Variants in MACROD2 observed in about 807,000 individuals in gnomAD.
MACROD2 encodes the protein ADP-ribose glycohydrolase MACROD2.
Under a neutral mutation model 70.4 loss-of-function variants are expected in MACROD2, and 36 were observed. The ratio of observed to expected loss-of-function variants is 0.51; its 90% CI spans 0.39 to 0.68. The LOEUF (loss-of-function observed/expected upper bound fraction) is 0.68, where lower values mean the gene tolerates loss of function less well. Ranked by LOEUF, MACROD2 falls within the 30% of genes least tolerant of loss-of-function variation. The probability of loss-of-function intolerance (pLI) is 0.00; values close to 1 mark genes in which losing one functional copy is unlikely to be tolerated. For missense variants in MACROD2, 496 were observed against 538.4 expected (o/e 0.92, Z 0.78); for synonymous variants, 172 against 178.8 (o/e 0.96, Z 0.30).
intron 8 of MACROD2, among the ~76,000 whole-genome samples, chr20:15,632,321 T>C (rs1488346560): frequency 8.5e-5 from 13 of 152,178 alleles, no homozygotes; most frequent in Admixed American, 8.5e-4. Context: ...ACTGAGCACA[T>C]ACTCTGTATA....
intron 3 of MACROD2, among the ~76,000 whole-genome samples, chr20:14,407,649 A>G (rs2083706143): frequency 6.6e-6 from 1 of 152,108 alleles, no homozygotes. Flanking sequence ...TAGAAATTTC[A>G]CTGGAAAGGC....
intron 5 of MACROD2, among the ~76,000 whole-genome samples, chr20:14,857,159 C>A (rs2073263797): frequency 6.6e-6 from 1 of 152,192 alleles, no homozygotes; most frequent in Admixed American, 6.5e-5. Flanking sequence ...TCCCTATTCT[C>A]TCTCTGTTCT....
intron 8 of MACROD2, among the ~76,000 whole-genome samples, chr20:15,737,535 AT>A (rs140657435): frequency 0.017 from 2,554 of 152,288 alleles, 69 homozygotes; most frequent in African/African-American, 0.057. Context: ...TCAGCACATG[AT>A]AGTTGATGTG....
intron 8 of MACROD2, among the ~76,000 whole-genome samples, chr20:15,759,571 T>A (rs2423987): frequency 6.6e-6 from 1 of 152,170 alleles, no homozygotes; most frequent in African/African-American, 2.4e-5. Flanking sequence ...TGTACCTATT[T>A]CCCAAATTGC....
intron 5 of MACROD2, among the ~76,000 whole-genome samples, chr20:15,069,120 C>T (rs1476516180): frequency 6.6e-6 from 1 of 152,082 alleles, no homozygotes; most frequent in Admixed American, 6.5e-5. Context: ...GCATTGCATC[C>T]ACGTCTGAGG....
intron 3 of MACROD2, among the ~76,000 whole-genome samples, chr20:14,353,675 C>A (rs977996485): frequency 6.6e-6 from 1 of 152,140 alleles, no homozygotes; most frequent in Non-Finnish European, 1.5e-5. Context: ...TAGCTTTCCT[C>A]TTGGTCATGA....
At chr20:15,328,559 A>G (rs2077957521) in intron 6 of MACROD2, among the ~76,000 whole-genome samples, 1 of 152,172 alleles carries the variant, frequency 6.6e-6, no homozygotes, top group Admixed American at 6.6e-5. Context: ...TATTTAAATC[A>G]GAGTCACCAA....
chr20:14,321,107 G>A (rs1004167392), intron 3 of MACROD2, among the ~76,000 whole-genome samples: 3 of 152,174 alleles, frequency 2.0e-5, no homozygotes, highest in African/African-American at 7.2e-5. Context: ...GCTCACGCTT[G>A]TAATCCCAGC....
At chr20:14,144,517 G>A (rs1028353165) in intron 3 of MACROD2, among the ~76,000 whole-genome samples, 2 of 152,104 alleles carry the variant, frequency 1.3e-5, no homozygotes, top group Non-Finnish European at 2.9e-5. Flanking sequence ...GCATGTATTT[G>A]CCTGGTCCAG....
intron 5 of MACROD2, among the ~76,000 whole-genome samples, chr20:15,083,711 A>AT (rs2075722961): frequency 6.6e-6 from 1 of 152,042 alleles, no homozygotes; most frequent in Non-Finnish European, 1.5e-5. Flanking sequence ...ATAAAGGCAT[A>AT]TGTGCCTTTA....
chr20:15,581,811 G>A (rs778952346), intron 8 of MACROD2, among the ~76,000 whole-genome samples: 2 of 152,092 alleles, frequency 1.3e-5, no homozygotes, highest in Non-Finnish European at 2.9e-5. Flanking sequence ...TGTGAGTATT[G>A]GAAAAACAGC....
chr20:15,649,207 C>CTTCTTTCTTTCTTTCT (rs146662837), intron 8 of MACROD2, among the ~76,000 whole-genome samples: 208 of 137,766 alleles, frequency 1.5e-3, no homozygotes, highest in African/African-American at 5.4e-3. Flanking sequence ...TCTTTCTTTC[C>CTTCTTTCTTTCTTTCT]TTCTTTCTTT....
At chr20:14,026,685 G>C (rs776345961) in intron 2 of MACROD2, among the ~76,000 whole-genome samples, 3 of 152,150 alleles carry the variant, frequency 2.0e-5, no homozygotes, top group Non-Finnish European at 4.4e-5. Context: ...ACTCTCTTCT[G>C]GCTTGTAGGG....
intron 4 of MACROD2, among the ~76,000 whole-genome samples, chr20:14,647,662 C>G (rs1326256801): frequency 6.6e-6 from 1 of 151,942 alleles, no homozygotes; most frequent in Non-Finnish European, 1.5e-5. Context: ...TAAATGTACC[C>G]CAGCTACTAG....
At chr20:15,212,933 G>C (rs1045879256) in intron 5 of MACROD2, among the ~76,000 whole-genome samples, 2 of 152,174 alleles carry the variant, frequency 1.3e-5, no homozygotes, top group Non-Finnish European at 2.9e-5. Flanking sequence ...GTGTGACCTA[G>C]AAACTCATGT....
intron 3 of MACROD2, among the ~76,000 whole-genome samples, chr20:14,155,890 A>C (rs965154662): frequency 6.6e-6 from 1 of 152,204 alleles, no homozygotes; most frequent in Non-Finnish European, 1.5e-5. Flanking sequence ...AGCTGGGTGC[A>C]GTGGCTCATG....
At chr20:14,516,490 G>A (rs2085101256) in intron 4 of MACROD2, among the ~76,000 whole-genome samples, 1 of 152,168 alleles carries the variant, frequency 6.6e-6, no homozygotes, top group Non-Finnish European at 1.5e-5. Context: ...AAGGTGTAAG[G>A]AAGAGGTCCA....
intron 5 of MACROD2, among the ~76,000 whole-genome samples, chr20:15,130,143 T>G (rs2076094783): frequency 6.6e-6 from 1 of 152,120 alleles, no homozygotes; most frequent in Non-Finnish European, 1.5e-5. Flanking sequence ...GTGAACAAGA[T>G]TCTCTTGTTT....
At chr20:14,533,679 AT>A (rs1380561843) in intron 4 of MACROD2, among the ~76,000 whole-genome samples, 2 of 152,222 alleles carry the variant, frequency 1.3e-5, no homozygotes, top group Non-Finnish European at 2.9e-5. Flanking sequence ...TTAACTTTTA[AT>A]CCTAAATAGT....
Sources: allele counts gnomAD v4.1 joint callset (sites outside exome capture counted in the v4.1 genomes callset), GRCh38; gene constraint gnomAD v4.1.1; transcripts MANE v1.5; gene names NCBI Gene and HGNC (gene_info 2026-07-23, HGNC 2026-07-21).